KMT5A: variants seen among roughly 807,000 people sequenced by gnomAD.
KMT5A encodes N-lysine methyltransferase KMT5A.
KMT5A carries 6 observed loss-of-function variants against 40.6 expected under a neutral mutation model. The observed-to-expected ratio is 0.15, with a 90% CI of 0.08 to 0.29. The LOEUF (loss-of-function observed/expected upper bound fraction) is 0.29. KMT5A is among the 10% of genes least tolerant of loss of function. The pLI, the probability that KMT5A is intolerant of heterozygous loss-of-function variation, is 1.00. For synonymous variants in KMT5A, 153 were observed against 178.8 expected (o/e 0.86, Z 1.15); for missense variants, 308 against 459.1 (o/e 0.67, Z 3.01).
intron 4 of KMT5A, 140 bp downstream of exon 4, chr12:123,395,406 C>T (rs1877638722): frequency 1.2e-6 from 1 of 840,998 alleles, no homozygotes; most frequent in South Asian, 1.8e-5. Context: ...TGCCCCGAGT[C>T]ATCAGCAGGG....
rs1443544772 is a variant in KMT5A at position 123,401,448 on chromosome 12, T to A, written c.598-2125T>A. ...CAGGTGTATATCTTTCTTTTTTTTTTAACCTTCTTGACCCTTATCTTTCAT... is the reference window on the plus strand; with the variant it reads ...CAGGTGTATATCTTTCTTTTTTTTTAAACCTTCTTGACCCTTATCTTTCAT... On this transcript the variant is annotated intron_variant, in intron 5 of 7. Coordinates refer to ENST00000402868, the MANE Select transcript of KMT5A (RefSeq NM_020382.7). Among the ~76,000 whole-genome samples the A allele has an allele frequency of 3.3e-5, 5 of 151,802 alleles. No homozygotes were observed. In the East Asian group the frequency reaches 9.7e-4, roughly 29 times the overall value.
intron 5 of KMT5A, among the ~76,000 whole-genome samples, chr12:123,400,440 A>T (rs921195345): frequency 4.8e-5 from 7 of 147,292 alleles, no homozygotes; most frequent in Non-Finnish European, 7.5e-5. Flanking sequence ...GGCTCACTGC[A>T]ACCTCCACCT....
intron 5 of KMT5A, among the ~76,000 whole-genome samples, chr12:123,398,373 G>A (rs914484742): frequency 3.9e-5 from 6 of 152,150 alleles, no homozygotes; most frequent in Non-Finnish European, 8.8e-5. Context: ...GCTGCGGTGT[G>A]CCCACACACA....
intron 7 of KMT5A, among the ~76,000 whole-genome samples, chr12:123,405,673 C>T (rs550442634): frequency 5.7e-4 from 87 of 151,554 alleles, no homozygotes; most frequent in African/African-American, 1.8e-3. Context: ...TGCGTCACCA[C>T]GCCCAGCTAA....
intron 2 of KMT5A, chr12:123,390,241 G>A (rs1877197125): frequency 6.9e-6 from 3 of 435,602 alleles, no homozygotes; most frequent in Admixed American, 5.2e-5. Flanking sequence ...TCCCCGGGGC[G>A]TGTTTCTGTG....
At chr12:123,402,233 TC>T (rs750046143) in intron 5 of KMT5A, among the ~76,000 whole-genome samples, 12 of 152,332 alleles carry the variant, frequency 7.9e-5, no homozygotes, top group Non-Finnish European at 1.6e-4. Flanking sequence ...AACTGAGTGT[TC>T]CCTGGGGTCA....
rs573828758 is a variant in KMT5A, at chr12:123,401,111, T to G, written c.598-2462T>G. Among the ~76,000 whole-genome samples the G allele has an allele frequency of 9.4e-4, 142 of 151,772 alleles. 1 individual carries two copies. Among genetic ancestry groups the G allele is most frequent in the African/African-American group, 3.3e-3 (136 of 41,444 alleles). On this transcript the variant is annotated intron_variant, in intron 5 of 7. Transcript: ENST00000402868. ...TACCTGACCAAGTTTTGTTGTTGTT[T>G]TTTTTAAATCTATTCCACCAATATA...
chr12:123,395,397 G>A, intron 4 of KMT5A, 131 bp downstream of exon 4: 1 of 903,306 alleles, frequency 1.1e-6, no homozygotes, highest in Non-Finnish European at 1.7e-6. Flanking sequence ...AGACTCAGAT[G>A]CCCCGAGTCA....
At chr12:123,403,532 A>C (rs1878331640) in intron 5 of KMT5A, 41 bp from the exon 6 acceptor site, 1 of 1,609,200 alleles carries the variant, frequency 6.2e-7, no homozygotes, top group Non-Finnish European at 8.5e-7. Flanking sequence ...CGATGGGCCT[A>C]GGAGAAGATA....
At chr12:123,385,227 C>T (rs1044137940) in intron 1 of KMT5A, among the ~76,000 whole-genome samples, 5 of 152,046 alleles carry the variant, frequency 3.3e-5, no homozygotes, top group African/African-American at 1.2e-4. Flanking sequence ...ATCTATTCTC[C>T]TAGCATCCCT....
chr12:123,404,530 G>T (rs1044785515), intron 6 of KMT5A, among the ~76,000 whole-genome samples: 2 of 152,192 alleles, frequency 1.3e-5, no homozygotes, highest in African/African-American at 4.8e-5. Flanking sequence ...TAGCTGTGTG[G>T]CCTCAGACAC....
chr12:123,388,387 G>C (rs912228442), intron 1 of KMT5A: 10 of 152,230 alleles, frequency 6.6e-5, no homozygotes, highest in African/African-American at 2.4e-4. Context: ...TGAGATAACG[G>C]CAAGAGACTC....
chr12:123,391,068 G>C, intron 3 of KMT5A: 1 of 376,378 alleles, frequency 2.7e-6, no homozygotes, highest in Non-Finnish European at 4.9e-6. Context: ...AATTAGAGAG[G>C]CTCACAAGTG....
chr12:123,390,767 A>C lies in KMT5A; in HGVS notation c.270A>C (p.Gly90=). The C allele has an allele frequency of 6.2e-7, 1 of 1,613,960 alleles. No homozygotes were observed. The change falls in exon 3 of 8, where the codon GGA becomes GGC. Residue 90 remains glycine (G), a synonymous_variant. Transcript: ENST00000402868. ...AATGCCAGGGGAAACCATTAGCCGGAATCTACAGGAAACGAGAAGGTAAGC... is the reference window on the plus strand; with the variant it reads ...AATGCCAGGGGAAACCATTAGCCGGCATCTACAGGAAACGAGAAGGTAAGC... ...EVKCQGKPLA[G]IYRKREEKRN...
At position 123,407,539 on chromosome 12, in the gene KMT5A, C is replaced by T. The variant is rs1250460229; in HGVS notation, c.895C>T (p.His299Tyr). 6.2e-7 allele frequency: 1 copy of T among 1,613,802 alleles called. No individual in the cohort carries two copies. Residue 299 changes from histidine (H) to tyrosine (Y), a missense_variant, in exon 8 of 8, where the codon CAC becomes TAC. This residue lies in a region of KMT5A where 77 missense variants were observed against 220.0 expected (regional missense o/e 0.35). Transcript: ENST00000402868. ...AAATCGCCTAGGAAGACTGATCAATCACAGCAAATGTGGGAACTGCCAAAC... is the reference window on the plus strand; with the variant it reads ...AAATCGCCTAGGAAGACTGATCAATTACAGCAAATGTGGGAACTGCCAAAC... ...ETNRLGRLIN[H>Y]SKCGNCQTKL... is the part of the protein sequence containing the mutation.
intron 2 of KMT5A, 55 bp from the exon 3 acceptor site, chr12:123,390,575 T>C (rs1165878967): frequency 6.3e-7 from 1 of 1,575,428 alleles, no homozygotes; most frequent in Admixed American, 1.9e-5. Flanking sequence ...TCCTCGTGAA[T>C]GCTCTAGGAT....
intron 2 of KMT5A, 130 bp from the exon 3 acceptor site, chr12:123,390,500 G>C (rs1023710055): frequency 1.1e-5 from 12 of 1,113,628 alleles, no homozygotes; most frequent in Non-Finnish European, 1.3e-5. Context: ...ATGGGGGCTG[G>C]CATCCCCTGG....
In KMT5A at chr12:123,403,553, T is replaced by G; in HGVS notation, c.598-20T>G. 4 of 1,614,068 alleles carry G rather than the reference T, an allele frequency of 2.5e-6. No individual in the cohort carries two copies. Among genetic ancestry groups the G allele is most frequent in the Non-Finnish European group, 3.4e-6 (4 of 1,179,890 alleles). On this transcript the variant is annotated intron_variant, in intron 5 of 7. Transcript: ENST00000402868. ...GCCTAGGAGAAGATACTGATGCTGT[T>G]TTTCTTTCTCTCTGCCCAGTCTGAA...
At chr12:123,386,887 A>T (rs544088850) in intron 1 of KMT5A, among the ~76,000 whole-genome samples, 1 of 151,578 alleles carries the variant, frequency 6.6e-6, no homozygotes, top group East Asian at 1.9e-4. Flanking sequence ...ACAGAGTCTC[A>T]CTCTGTCACC....
Sources: gnomAD v4.1 joint callset for allele counts (sites outside exome capture counted in the v4.1 genomes callset) on GRCh38, gnomAD v4.1.1 for gene constraint, gnomAD v4.1.1 regional missense constraint, MANE v1.5 for transcripts, NCBI Gene and HGNC (gene_info 2026-07-23, HGNC 2026-07-21) for gene names.